The following ITGB8 variants were observed in gnomAD, a reference collection of about 807,000 sequenced individuals.
ITGB8 encodes integrin beta-8.
A neutral mutation model predicts 89.5 loss-of-function variants in ITGB8; 30 were observed. That is an observed-to-expected ratio of 0.34 (90% CI 0.25 to 0.45). ITGB8 has a LOEUF of 0.45. Ranked by LOEUF, ITGB8 falls within the 20% of genes least tolerant of loss-of-function variation. The probability of loss-of-function intolerance (pLI) is 1.00; values close to 1 mark genes in which losing one functional copy is unlikely to be tolerated. For missense variants in ITGB8, 836 were observed against 933.3 expected (o/e 0.90, Z 1.36); for synonymous variants, 335 against 320.4 (o/e 1.05, Z -0.49).
intron 1 of ITGB8, among the ~76,000 whole-genome samples, chr7:20,350,249 G>A (rs573197116): frequency 4.0e-4 from 61 of 152,288 alleles, no homozygotes; most frequent in Non-Finnish European, 7.5e-4. Context: ...TCAGGTTGAA[G>A]CGATTCTCCT....
intron 6 of ITGB8, among the ~76,000 whole-genome samples, chr7:20,383,560 T>A (rs1471481772): frequency 6.6e-6 from 1 of 152,180 alleles, no homozygotes; most frequent in Non-Finnish European, 1.5e-5. Context: ...AACAATGACA[T>A]TATTCTCAAA....
At chr7:20,352,503 GT>G (rs1363996062) in intron 1 of ITGB8, 2 of 152,138 alleles carry the variant, frequency 1.3e-5, no homozygotes, top group African/African-American at 4.8e-5. Flanking sequence ...TATTCCTTAT[GT>G]TTGGTCATCT....
At chr7:20,389,923 C>G (rs1404726491) in intron 6 of ITGB8, among the ~76,000 whole-genome samples, 1 of 151,446 alleles carries the variant, frequency 6.6e-6, no homozygotes, top group Non-Finnish European at 1.5e-5. Flanking sequence ...CGTGTTAATA[C>G]TTTTTAAGCT....
intron 1 of ITGB8, among the ~76,000 whole-genome samples, chr7:20,354,560 C>T (rs756983741): frequency 6.6e-6 from 1 of 152,136 alleles, no homozygotes; most frequent in Non-Finnish European, 1.5e-5. Flanking sequence ...CGAGCAGATA[C>T]AGGGACTCCT....
In ITGB8 at chr7:20,413,311, T is replaced by C. The variant is rs376796556; in HGVS notation, c.*3314T>C. The C allele has an allele frequency of 2.6e-5, 4 of 152,660 alleles. No homozygotes were observed. Among genetic ancestry groups the C allele is most frequent in the East Asian group, 1.9e-4 (1 of 5,194 alleles). 9.5% of individuals were successfully genotyped at this position (152,660 alleles called of 1,614,324 possible). A position where few individuals can be genotyped will look rare whatever the true frequency, so the allele number is the denominator to read the frequency against. On this transcript the variant is annotated 3_prime_UTR_variant, in exon 14 of 14. Transcript: ENST00000222573. ...ATTTTCCAAAACTCAACATTAAAAT[T>C]TGTGGATGCATGAGATGCAATCCTT...
intron 6 of ITGB8, among the ~76,000 whole-genome samples, chr7:20,383,284 A>G (rs1441407515): frequency 6.6e-6 from 1 of 152,232 alleles, no homozygotes; most frequent in Non-Finnish European, 1.5e-5. Context: ...AGATTTTAAA[A>G]GGTAACTAGA....
Position 20,406,053 on chromosome 7 carries a change from C to T in ITGB8, c.1914-9C>T, listed in dbSNP as rs370504717. 5.3e-6 allele frequency: 8 copies of T among 1,500,726 alleles called. No homozygotes were observed. In the African/African-American group the frequency reaches 1.1e-4, roughly 21 times the overall value. The allele number at this position is 1,500,726 out of a possible 1,614,324, so 93.0% of individuals were successfully genotyped here. On this transcript the variant is annotated splice_polypyrimidine_tract_variant and intron_variant, in intron 11 of 13. Transcript: ENST00000222573. ...GAATAAATATTTTCACTTCTGTTTC[C>T]CCTTGCAGGAATTGTATGCAATGCC...
intron 4 of ITGB8, 53 bp downstream of exon 4, chr7:20,379,350 TCA>T: frequency 7.8e-7 from 1 of 1,275,764 alleles, no homozygotes; most frequent in Non-Finnish European, 1.0e-6. Context: ...TTATAAAATC[TCA>T]CTTTGTTTTT....
intron 10 of ITGB8, among the ~76,000 whole-genome samples, chr7:20,403,242 G>C (rs10950807): frequency 0.91 from 138,704 of 152,238 alleles, 63,233 homozygotes; most frequent in East Asian, 0.99. Context: ...TTAGAATGAA[G>C]CAGCAGTTGT....
At chr7:20,388,652 T>C (rs1393182995) in intron 6 of ITGB8, among the ~76,000 whole-genome samples, 1 of 152,196 alleles carries the variant, frequency 6.6e-6, no homozygotes, top group Non-Finnish European at 1.5e-5. Context: ...TTTTTTTTAT[T>C]ATACTTTAAG....
At chr7:20,405,467 C>T (rs955338324) in intron 11 of ITGB8, among the ~76,000 whole-genome samples, 10 of 147,856 alleles carry the variant, frequency 6.8e-5, no homozygotes, top group African/African-American at 2.0e-4. Context: ...CCCGCCACCA[C>T]GCCGGGCTAA....
Position 20,381,882 on chromosome 7 carries a change from C to G in ITGB8, c.957C>G (p.Thr319=). The G allele has an allele frequency of 6.2e-7, 1 of 1,610,548 alleles. No homozygotes were observed. Among genetic ancestry groups the G allele is most frequent in the South Asian group, 1.1e-5 (1 of 90,242 alleles). Residue 319 remains threonine, a synonymous_variant, in exon 6 of 14, where the codon ACC becomes ACG. Coordinates refer to ENST00000222573, the MANE Select transcript of ITGB8 (RefSeq NM_002214.3). Reference sequence around the variant, plus strand: ...ACAACGTCTATGTCAAATCGACAACCATGGTAATGCAGCAGTAACCGCTTA... The same window carrying G: ...ACAACGTCTATGTCAAATCGACAACGATGGTAATGCAGCAGTAACCGCTTA... ...LKNNVYVKST[T]MEHPSLGQLS... is the part of the protein sequence containing the mutation.
At chr7:20,378,308 C>T (rs748392995) in intron 3 of ITGB8, among the ~76,000 whole-genome samples, 6 of 152,176 alleles carry the variant, frequency 3.9e-5, no homozygotes, top group Non-Finnish European at 7.3e-5. Flanking sequence ...GTGCCTCGCT[C>T]ATGGGCCCCC....
chr7:20,383,700 T>C (rs990824502), intron 6 of ITGB8, among the ~76,000 whole-genome samples: 1 of 152,200 alleles, frequency 6.6e-6, no homozygotes, highest in Non-Finnish European at 1.5e-5. Context: ...TTTAGGCATA[T>C]ACCATGTTAT....
chr7:20,372,349 G>T (rs1785967512), intron 3 of ITGB8, among the ~76,000 whole-genome samples: 1 of 152,196 alleles, frequency 6.6e-6, no homozygotes, highest in Admixed American at 6.5e-5. Flanking sequence ...GACAAGCAAT[G>T]ATAGTGGTAA....
At chr7:20,406,718 C>T (rs570236668) in intron 12 of ITGB8, among the ~76,000 whole-genome samples, 1 of 152,264 alleles carries the variant, frequency 6.6e-6, no homozygotes, top group East Asian at 1.9e-4. Context: ...TTGGTATAAT[C>T]TCCATGTTAT....
chr7:20,351,687 A>G (rs746840401), intron 1 of ITGB8, among the ~76,000 whole-genome samples: 4 of 152,196 alleles, frequency 2.6e-5, no homozygotes, highest in Non-Finnish European at 5.9e-5. Context: ...GTTTTAATTT[A>G]CCGGTGTTTG....
intron 7 of ITGB8, 58 bp downstream of exon 7, chr7:20,391,556 G>T (rs1786858437): frequency 1.2e-6 from 1 of 855,684 alleles, no homozygotes; most frequent in Non-Finnish European, 1.8e-6. Context: ...TTGAAATTAA[G>T]ACATTTCTTT....
intron 9 of ITGB8, among the ~76,000 whole-genome samples, chr7:20,399,301 A>T (rs963838634): frequency 4.6e-5 from 7 of 152,172 alleles, no homozygotes; most frequent in African/African-American, 1.7e-4. Flanking sequence ...AGGAAATCAC[A>T]TATTCTCAAA....
Sources: gnomAD v4.1 joint callset for allele counts (sites outside exome capture counted in the v4.1 genomes callset) on GRCh38, gnomAD v4.1.1 for gene constraint, MANE v1.5 for transcripts, NCBI Gene and HGNC (gene_info 2026-07-23, HGNC 2026-07-21) for gene names.